MAPRE2: variants seen among roughly 807,000 people sequenced by gnomAD.
MAPRE2 encodes the protein microtubule-associated protein RP/EB family member 2.
MAPRE2 carries 13 observed loss-of-function variants against 43.2 expected under a neutral mutation model. That is an observed-to-expected ratio of 0.30 (90% CI 0.20 to 0.48). The LOEUF (loss-of-function observed/expected upper bound fraction) is 0.48, where lower values mean the gene tolerates loss of function less well. Ranked by LOEUF, MAPRE2 falls within the 20% of genes least tolerant of loss-of-function variation. The probability of loss-of-function intolerance (pLI) is 0.99; values close to 1 mark genes in which losing one functional copy is unlikely to be tolerated. For missense variants in MAPRE2, 161 were observed against 400.2 expected (o/e 0.40, Z 5.10); for synonymous variants, 135 against 148.8 (o/e 0.91, Z 0.68).
intron 2 of MAPRE2, among the ~76,000 whole-genome samples, chr18:35,016,488 A>G (rs1474905329): frequency 6.6e-6 from 1 of 152,026 alleles, no homozygotes; most frequent in Non-Finnish European, 1.5e-5. Context: ...TTAACATTTT[A>G]ATAATAGCTA....
intron 4 of MAPRE2, among the ~76,000 whole-genome samples, chr18:35,107,385 G>A (rs535226444): frequency 6.6e-6 from 1 of 152,134 alleles, no homozygotes; most frequent in African/African-American, 2.4e-5. Flanking sequence ...TTCTAAGGCT[G>A]TTTGTATGAC....
intron 4 of MAPRE2, among the ~76,000 whole-genome samples, chr18:35,107,615 T>C (rs984395559): frequency 1.3e-5 from 2 of 152,174 alleles, no homozygotes; most frequent in Admixed American, 6.6e-5. Context: ...CTTGGCTTTA[T>C]GGCCCAGGAT....
chr18:35,096,731 TTAA>T (rs1305052339), intron 2 of MAPRE2, among the ~76,000 whole-genome samples: 11 of 151,980 alleles, frequency 7.2e-5, no homozygotes, highest in South Asian at 2.1e-4. Flanking sequence ...AATTTAATAC[TTAA>T]TAATTAATAA....
chr18:35,105,519 T>G (rs1307334013), intron 4 of MAPRE2, among the ~76,000 whole-genome samples: 1 of 152,058 alleles, frequency 6.6e-6, no homozygotes, highest in African/African-American at 2.4e-5. Flanking sequence ...AGAAGTCATA[T>G]CCAGTTATTG....
intron 2 of MAPRE2, among the ~76,000 whole-genome samples, chr18:35,019,335 A>C (rs1353280705): frequency 6.6e-6 from 1 of 152,000 alleles, no homozygotes; most frequent in Non-Finnish European, 1.5e-5. Flanking sequence ...GTAGCTGTCT[A>C]TTAGGTCCAA....
chr18:35,046,735 A>G (rs1905641059), intron 1 of MAPRE2, among the ~76,000 whole-genome samples: 1 of 152,206 alleles, frequency 6.6e-6, no homozygotes, highest in East Asian at 1.9e-4. Context: ...GCCATGCGAG[A>G]GCTTGAGCCC....
At chr18:35,095,875 C>T (rs895684561) in intron 2 of MAPRE2, among the ~76,000 whole-genome samples, 1 of 151,518 alleles carries the variant, frequency 6.6e-6, no homozygotes, top group African/African-American at 2.4e-5. Context: ...TTTATTTTGT[C>T]TTCTCTTTAA....
rs1005477630 is a variant in MAPRE2 at position 35,141,238 on chromosome 18, C to T, written c.*869C>T. 1 of 152,204 alleles carries T rather than the reference C, an allele frequency of 6.6e-6. No individual in the cohort carries two copies. Among genetic ancestry groups the T allele is most frequent in the Non-Finnish European group, 1.5e-5 (1 of 68,070 alleles). 9.4% of individuals were successfully genotyped at this position (152,204 alleles called of 1,614,324 possible). Reference sequence around the variant, plus strand: ...TATGGTTAGGTACGGGTCTTCCTGCCTCATTCCTCTTCCTCTTTGTGTAGG... The same window carrying T: ...TATGGTTAGGTACGGGTCTTCCTGCTTCATTCCTCTTCCTCTTTGTGTAGG... On this transcript the variant is annotated 3_prime_UTR_variant, in exon 7 of 7. Transcript: ENST00000300249.
chr18:35,075,138 A>G (rs1192113716), intron 2 of MAPRE2, among the ~76,000 whole-genome samples: 3 of 152,134 alleles, frequency 2.0e-5, no homozygotes, highest in African/African-American at 7.2e-5. Flanking sequence ...TCACATTTGC[A>G]ATTCTGGTTA....
At chr18:35,038,300 C>T (rs144898271), upstream of MAPRE2, among the ~76,000 whole-genome samples, 5 of 152,340 alleles carry the variant, frequency 3.3e-5, no homozygotes, top group African/African-American at 1.2e-4. Flanking sequence ...ATATCTTCTA[C>T]ATGGCATGCT....
chr18:34,977,965 C>T (rs1384743437), intron 1 of MAPRE2, among the ~76,000 whole-genome samples: 1 of 152,200 alleles, frequency 6.6e-6, no homozygotes, highest in Non-Finnish European at 1.5e-5. Context: ...GGTTTGGTCA[C>T]TCCTCCAGTG....
chr18:35,032,997 C>T (rs948081405), intron 2 of MAPRE2, among the ~76,000 whole-genome samples: 1 of 152,006 alleles, frequency 6.6e-6, no homozygotes, highest in African/African-American at 2.4e-5. Context: ...TATATCTCTT[C>T]CTGGAATATC....
At chr18:35,063,319 G>A (rs1259984931) in intron 1 of MAPRE2, among the ~76,000 whole-genome samples, 4 of 152,000 alleles carry the variant, frequency 2.6e-5, no homozygotes, top group Non-Finnish European at 5.9e-5. Context: ...GTGTTAGCCA[G>A]GATGGTCTTG....
chr18:35,020,019 A>G (rs2097040920), intron 2 of MAPRE2, among the ~76,000 whole-genome samples: 1 of 152,100 alleles, frequency 6.6e-6, no homozygotes, highest in South Asian at 2.1e-4. Context: ...GCTCGGCCTC[A>G]GGTTGCCTGG....
intron 2 of MAPRE2, among the ~76,000 whole-genome samples, chr18:35,021,607 A>G (rs1460431771): frequency 1.3e-5 from 2 of 152,180 alleles, no homozygotes; most frequent in African/African-American, 4.8e-5. Flanking sequence ...GCTATGAATA[A>G]GAGGTAATCA....
chr18:35,023,920 T>C (rs1292112782), intron 2 of MAPRE2, among the ~76,000 whole-genome samples: 2 of 152,160 alleles, frequency 1.3e-5, no homozygotes, highest in African/African-American at 4.8e-5. Context: ...CATTTTACTA[T>C]ATTGTCAAAT....
At chr18:35,041,385 A>C, upstream of MAPRE2, 1 of 1,485,496 alleles carries the variant, frequency 6.7e-7, no homozygotes. Context: ...GCGGGGCCGC[A>C]GGAGGGCGGG....
At position 35,140,723 on chromosome 18, in the gene MAPRE2, A is replaced by C. The variant is rs774679967; in HGVS notation, c.*354A>C. ...CCTCTTTTTATCCTGGTGTGAAACA[A>C]TGGTAATTTGATATATGGTATTTAT... On this transcript the variant is annotated 3_prime_UTR_variant, in exon 7 of 7. Coordinates refer to ENST00000300249, the MANE Select transcript of MAPRE2 (RefSeq NM_014268.4). 2.4e-5 allele frequency: 6 copies of C among 248,104 alleles called. No individual in the cohort carries two copies. Among genetic ancestry groups the C allele is most frequent in the Non-Finnish European group, 3.9e-5 (5 of 128,028 alleles). 15.4% of individuals were successfully genotyped at this position (248,104 alleles called of 1,614,324 possible). A position where few individuals can be genotyped will look rare whatever the true frequency, so the allele number is the denominator to read the frequency against.
intron 2 of MAPRE2, among the ~76,000 whole-genome samples, chr18:35,011,005 A>C (rs2097034292): frequency 6.6e-6 from 1 of 152,180 alleles, no homozygotes; most frequent in African/African-American, 2.4e-5. Flanking sequence ...AGCATTATGT[A>C]TCAGGTATTA....
Sources: allele counts gnomAD v4.1 joint callset (sites outside exome capture counted in the v4.1 genomes callset), GRCh38; gene constraint gnomAD v4.1.1; transcripts MANE v1.5; gene names NCBI Gene and HGNC (gene_info 2026-07-23, HGNC 2026-07-21).